The following UNC13C variants were observed in gnomAD, a reference collection of about 807,000 sequenced individuals.
UNC13C encodes the protein unc-13 homolog C.
In UNC13C, 174 loss-of-function variants were observed where a neutral mutation model predicts 245.4. The observed-to-expected ratio is 0.71, with a 90% CI of 0.63 to 0.80. UNC13C has a LOEUF of 0.80. Among genes scored for constraint, UNC13C ranks in the 30% least tolerant of loss-of-function variants. UNC13C has a pLI of 0.00. For missense variants in UNC13C, 2,829 were observed against 2,602.9 expected (o/e 1.09, Z -1.89); for synonymous variants, 992 against 895.1 (o/e 1.11, Z -1.93).
At position 54,246,059 on chromosome 15, in the gene UNC13C, T is replaced by G. The variant is rs79434426; in HGVS notation, c.3229-4166T>G. ...AATATTGATGGTCTGAAAACACTAG[T>G]CATTGCTCTTGGCAGGTAGCCTGAT... On this transcript the variant is annotated intron_variant, in intron 7 of 32. Transcript: ENST00000260323. Among the ~76,000 whole-genome samples, 504 of 152,310 alleles carry G rather than the reference T, an allele frequency of 3.3e-3. 3 individuals carry two copies. Among genetic ancestry groups the G allele is most frequent in the South Asian group, 6.0e-3 (29 of 4,828 alleles).
At chr15:53,939,584 C>T in the UNC13C span, among the ~76,000 whole-genome samples, 1 of 152,060 alleles carries the variant, frequency 6.6e-6, no homozygotes, top group Non-Finnish European at 1.5e-5. Context: ...TGCAAAAATC[C>T]TCAATAAAAT....
Position 54,236,125 on chromosome 15 carries a change from T to A in UNC13C, c.3151-305T>A, listed in dbSNP as rs532062230. ...TATATGTGATATGAAAAATATATTTTCCCCCATAAAAAGTAAATTTTCTTT... is the reference window on the plus strand; with the variant it reads ...TATATGTGATATGAAAAATATATTTACCCCCATAAAAAGTAAATTTTCTTT... On this transcript the variant is annotated intron_variant, in intron 5 of 32. Transcript: ENST00000260323. 3.9e-5 allele frequency among the ~76,000 whole-genome samples: 6 copies of A among 152,248 alleles called. No individual in the cohort carries two copies. The South Asian group carries it at 1.2e-3, about 32-fold the overall frequency.
At chr15:54,047,015 T>C (rs1275792210) in intron 2 of UNC13C, among the ~76,000 whole-genome samples, 1 of 152,122 alleles carries the variant, frequency 6.6e-6, no homozygotes, top group Admixed American at 6.6e-5. Flanking sequence ...AAACGCACTC[T>C]ATAATGTACA....
the UNC13C span, among the ~76,000 whole-genome samples, chr15:53,863,764 G>T: frequency 6.6e-6 from 1 of 152,184 alleles, no homozygotes; most frequent in African/African-American, 2.4e-5. Context: ...TGCCACACTT[G>T]TGTATCTTCA....
intron 19 of UNC13C, among the ~76,000 whole-genome samples, chr15:54,455,238 T>A (rs11633695): frequency 0.087 from 6,091 of 69,976 alleles, 1,208 homozygotes; most frequent in African/African-American, 0.2. Flanking sequence ...TATATATATA[T>A]GTTTTTTAAT....
intron 18 of UNC13C, among the ~76,000 whole-genome samples, chr15:54,412,281 A>G (rs1174714808): frequency 6.6e-6 from 1 of 152,162 alleles, no homozygotes; most frequent in Non-Finnish European, 1.5e-5. Context: ...ACAGTTCCAC[A>G]TGGTGAGGGA....
chr15:54,027,158 G>A (rs72739055), intron 2 of UNC13C, among the ~76,000 whole-genome samples: 8,110 of 144,822 alleles, frequency 0.056, 268 homozygotes, highest in Non-Finnish European at 0.07. Context: ...GGTATGATGT[G>A]TTTGAGGAAT....
At chr15:54,286,060 A>G (rs2037140499) in intron 10 of UNC13C, among the ~76,000 whole-genome samples, 1 of 151,750 alleles carries the variant, frequency 6.6e-6, no homozygotes, top group South Asian at 2.1e-4. Context: ...TTTGTATTCT[A>G]AGTAGAGACA....
the UNC13C span, among the ~76,000 whole-genome samples, chr15:53,840,415 CCATTAAGA>C: frequency 1.3e-5 from 2 of 151,916 alleles, no homozygotes; most frequent in Admixed American, 1.3e-4. Context: ...CTCTAGAAAG[CCATTAAGA>C]CTGAGATCTC....
intron 4 of UNC13C, among the ~76,000 whole-genome samples, chr15:54,221,978 A>T (rs2035240714): frequency 6.6e-6 from 1 of 152,058 alleles, no homozygotes; most frequent in African/African-American, 2.4e-5. Context: ...TTGTGAGTAC[A>T]TAGTAGGTAT....
At chr15:53,945,297 C>G in the UNC13C span, among the ~76,000 whole-genome samples, 8 of 152,242 alleles carry the variant, frequency 5.3e-5, no homozygotes, top group Admixed American at 5.2e-4. Context: ...CATTTAGCAG[C>G]TTCATCATGG....
the UNC13C span, among the ~76,000 whole-genome samples, chr15:53,935,571 T>C: frequency 2.0e-5 from 3 of 152,228 alleles, no homozygotes; most frequent in South Asian, 2.1e-4. Flanking sequence ...ATGGTTCTCA[T>C]GGAGAATGAA....
intron 1 of UNC13C, among the ~76,000 whole-genome samples, chr15:53,988,952 C>A (rs938516256): frequency 1.3e-5 from 2 of 151,926 alleles, no homozygotes; most frequent in Non-Finnish European, 2.9e-5. Flanking sequence ...ATTTTTAAAG[C>A]TTTTGAATTC....
intron 24 of UNC13C, among the ~76,000 whole-genome samples, chr15:54,525,103 T>C (rs1895388075): frequency 6.6e-6 from 1 of 152,174 alleles, no homozygotes; most frequent in Non-Finnish European, 1.5e-5. Context: ...AACACAATAT[T>C]CAAAAGTTAA....
intron 2 of UNC13C, among the ~76,000 whole-genome samples, chr15:54,051,269 A>G (rs34181342): frequency 0.39 from 58,726 of 151,948 alleles, 11,942 homozygotes; most frequent in African/African-American, 0.54. Context: ...TTCTTGATGC[A>G]TTTGGAGTTT....
At chr15:54,525,494 C>CAG in intron 24 of UNC13C, 55 bp from the exon 25 acceptor site, 1 of 1,338,004 alleles carries the variant, frequency 7.5e-7, no homozygotes, top group Non-Finnish European at 1.0e-6. Flanking sequence ...GTAAGCAAAA[C>CAG]AGAGGCATGC....
chr15:54,075,371 G>C (rs1898543859), intron 2 of UNC13C, among the ~76,000 whole-genome samples: 1 of 151,798 alleles, frequency 6.6e-6, no homozygotes, highest in Non-Finnish European at 1.5e-5. Context: ...TGTAGTTCCA[G>C]CCACTCGGGA....
the UNC13C span, among the ~76,000 whole-genome samples, chr15:53,892,000 G>A: frequency 1.3e-5 from 2 of 152,162 alleles, no homozygotes; most frequent in Non-Finnish European, 2.9e-5. Flanking sequence ...GGCTGGTACC[G>A]GTTGTTCCTT....
chr15:54,299,617 C>G (rs12440882), intron 12 of UNC13C, among the ~76,000 whole-genome samples: 1 of 152,020 alleles, frequency 6.6e-6, no homozygotes, highest in African/African-American at 2.4e-5. Flanking sequence ...CCCAACTTTA[C>G]TATCTAAAGT....
Sources: gnomAD v4.1 joint callset for allele counts (sites outside exome capture counted in the v4.1 genomes callset) on GRCh38, gnomAD v4.1.1 for gene constraint, MANE v1.5 for transcripts, NCBI Gene and HGNC (gene_info 2026-07-23, HGNC 2026-07-21) for gene names.